Variants in CHIA observed in about 807,000 individuals in gnomAD.
The protein encoded by CHIA is chitinase acidic.
Under a neutral mutation model 53.5 loss-of-function variants are expected in CHIA, and 47 were observed. That is an observed-to-expected ratio of 0.88 (90% confidence interval 0.70 to 1.12). The LOEUF (loss-of-function observed/expected upper bound fraction) is 1.12, where lower values mean the gene tolerates loss of function less well. Among genes scored for constraint, CHIA ranks in the 50% most tolerant of loss-of-function variants. CHIA has a pLI of 0.00. For missense variants in CHIA, 652 were observed against 592.2 expected, an observed-to-expected ratio of 1.10 and a Z score of -1.05; for synonymous variants, 268 against 222.2, an observed-to-expected ratio of 1.21 and a Z score of -1.83.
In CHIA at chr1:111,290,861, T is replaced by C. The variant is rs1236501606; in HGVS notation, c.-158T>C. On this transcript the variant is annotated 5_prime_UTR_variant, in exon 1 of 12. The change abolishes an upstream ATG in the 5' untranslated region. Coordinates refer to ENST00000369740, the MANE Select transcript of CHIA (RefSeq NM_201653.4). ...AGTCCCAGACGGTGCCAAAGCTTCA[T>C]GAAACCTCCTCGTCTGTGCACGAAC... 2.3e-6 allele frequency: 1 copy of C among 431,862 alleles called. No individual in the cohort carries two copies. The highest frequency in any genetic ancestry group is 4.7e-6 in the Non-Finnish European group (1 of 210,804). 26.8% of individuals were successfully genotyped at this position (431,862 alleles called of 1,614,324 possible).
intron 1 of CHIA, among the ~76,000 whole-genome samples, chr1:111,295,195 T>G (rs1006010541): frequency 6.6e-6 from 1 of 152,206 alleles, no homozygotes. Flanking sequence ...TTTATGATTT[T>G]TCTGAGACAG....
intron 1 of CHIA, among the ~76,000 whole-genome samples, chr1:111,291,516 T>C (rs1226246800): frequency 2.2e-5 from 3 of 138,908 alleles, no homozygotes; most frequent in Non-Finnish European, 4.6e-5. Flanking sequence ...AGCTGAGGGG[T>C]TGGGGGCAAG....
chr1:111,291,696 A>G (rs1347445950), intron 1 of CHIA, among the ~76,000 whole-genome samples: 1 of 151,728 alleles, frequency 6.6e-6, no homozygotes, highest in Non-Finnish European at 1.5e-5. Context: ...AAAAGGGGGG[A>G]AAAATATATA....
intron 2 of CHIA, 39 bp from the exon 3 acceptor site, chr1:111,311,650 A>G (rs369579196): frequency 2.0e-5 from 33 of 1,612,128 alleles, no homozygotes; most frequent in Non-Finnish European, 2.7e-5. Context: ...CGGGGTACAG[A>G]CAATCGGTTC....
At chr1:111,317,888 G>C (rs937139526) in intron 7 of CHIA, 83 bp downstream of exon 7, 3 of 1,610,060 alleles carry the variant, frequency 1.9e-6, no homozygotes, top group Admixed American at 1.7e-5. Context: ...TTGCTATTCA[G>C]GGACCTTGTT....
chr1:111,293,808 G>A (rs1475572729), intron 1 of CHIA, among the ~76,000 whole-genome samples: 1 of 152,154 alleles, frequency 6.6e-6, no homozygotes, highest in Non-Finnish European at 1.5e-5. Flanking sequence ...GGCCAGATGT[G>A]GTGGCTCATG....
chr1:111,295,921 C>T (rs1661309582), intron 1 of CHIA, among the ~76,000 whole-genome samples: 1 of 152,252 alleles, frequency 6.6e-6, no homozygotes, highest in African/African-American at 2.4e-5. Flanking sequence ...CCGCACCTGG[C>T]TCAGTGGGTC....
In CHIA at chr1:111,319,138, A is replaced by C. The variant is rs759836972; in HGVS notation, c.934A>C (p.Asn312His). 2.5e-6 allele frequency: 4 copies of C among 1,613,610 alleles called. No individual in the cohort carries two copies. Among genetic ancestry groups the C allele is most frequent in the Middle Eastern group, 1.6e-4 (1 of 6,080 alleles). Residue 312 changes from asparagine (N) to histidine (H), a missense_variant, in exon 10 of 12, where the codon AAT becomes CAT. Asn to His is a moderately conservative substitution (Grantham distance 68). Transcript: ENST00000369740. ...AYYEICTFLK[N>H]GATQGWDAPQ... The stretch of plus-strand genomic sequence containing the variant: ...TTGAAAGATCTGTACCTTCCTGAAA[A>C]ATGGAGCCACTCAGGGATGGGATGC...
In CHIA at chr1:111,295,698, T is replaced by C. The variant is rs879268701; in HGVS notation, c.-69+4748T>C. On this transcript the variant is annotated intron_variant, in intron 1 of 11. Transcript: ENST00000369740. ...CAGCTGAGGTACCGGGTTCATCTCA[T>C]TGGGACTGGTTGGACAGTGGGTGCA... 5.3e-5 allele frequency among the ~76,000 whole-genome samples: 8 copies of C among 151,660 alleles called. No individual in the cohort carries two copies. In the South Asian group the frequency reaches 6.2e-4, roughly 12 times the overall value.
intron 2 of CHIA, among the ~76,000 whole-genome samples, chr1:111,311,487 G>A (rs536741810): frequency 1.3e-5 from 2 of 152,284 alleles, no homozygotes. Context: ...GGTGTGAGAC[G>A]AAGGTACCAC....
rs369442393 is a variant in CHIA at position 111,320,343 on chromosome 1, C to A, written c.1308C>A (p.Gly436=). The A allele has an allele frequency of 5.0e-6, 8 of 1,614,212 alleles. 1 individual carries two copies. The highest frequency in any genetic ancestry group is 3.3e-5 in the South Asian group (3 of 91,076). The change falls in exon 12 of 12, where the codon GGC becomes GGA. Residue 436 remains glycine (G), a synonymous_variant. Transcript: ENST00000369740. ...GATTCTGTGCTGTCAGAGCCAACGG[C>A]CTCTACCCCGTGGCAAATAACAGAA... ...GSGFCAVRAN[G]LYPVANNRNA... is the part of the protein sequence containing the mutation.
intron 2 of CHIA, 133 bp from the exon 3 acceptor site, chr1:111,311,556 T>A: frequency 9.9e-7 from 1 of 1,008,100 alleles, no homozygotes; most frequent in Non-Finnish European, 1.5e-6. Context: ...CTGAAAAGCC[T>A]TTGGAATCAC....
intron 1 of CHIA, among the ~76,000 whole-genome samples, chr1:111,296,343 G>A (rs1661337592): frequency 6.6e-6 from 1 of 152,144 alleles, no homozygotes; most frequent in Non-Finnish European, 1.5e-5. Context: ...GTGGGACGAA[G>A]CTTCCAGAGG....
At chr1:111,293,625 T>C (rs1357917621) in intron 1 of CHIA, among the ~76,000 whole-genome samples, 1 of 152,256 alleles carries the variant, frequency 6.6e-6, no homozygotes, top group Non-Finnish European at 1.5e-5. Context: ...TCTTTTGTTG[T>C]CTGTGATTTA....
Position 111,320,471 on chromosome 1 carries a change from G to A in CHIA, c.*5G>A, listed in dbSNP as rs1410414650. On this transcript the variant is annotated 3_prime_UTR_variant, in exon 12 of 12. Transcript: ENST00000369740. ...GATTGCTGCAACTGGGCATAAACCTGACCTGGTCTATATTCCCTAGAGTTC... is the reference window on the plus strand; with the variant it reads ...GATTGCTGCAACTGGGCATAAACCTAACCTGGTCTATATTCCCTAGAGTTC... The A allele has an allele frequency of 6.2e-7, 1 of 1,612,696 alleles. No individual in the cohort carries two copies. Among genetic ancestry groups the A allele is most frequent in the Admixed American group, 1.7e-5 (1 of 60,020 alleles).
chr1:111,292,284 A>T (rs1484624803), intron 1 of CHIA, among the ~76,000 whole-genome samples: 3 of 152,220 alleles, frequency 2.0e-5, no homozygotes, highest in Non-Finnish European at 4.4e-5. Flanking sequence ...TACATGAGGA[A>T]ATTGAGGTTC....
intron 1 of CHIA, among the ~76,000 whole-genome samples, chr1:111,303,977 T>G (rs12026810): frequency 0.14 from 21,507 of 152,160 alleles, 1,954 homozygotes; most frequent in East Asian, 0.36. Flanking sequence ...TCTCATGTTA[T>G]CCCTTGTTTT....
chr1:111,298,586 C>T (rs1361676547), intron 1 of CHIA, among the ~76,000 whole-genome samples: 1 of 151,932 alleles, frequency 6.6e-6, no homozygotes, highest in Non-Finnish European at 1.5e-5. Flanking sequence ...CCAGTTAAAG[C>T]AGTGTGTAGA....
At chr1:111,314,634 T>C (rs750640286) in intron 5 of CHIA, 38 bp downstream of exon 5, 1 of 1,533,488 alleles carries the variant, frequency 6.5e-7, no homozygotes, top group Admixed American at 1.7e-5. Flanking sequence ...TCGTTTGCTA[T>C]GGAAAACAAG....
Sources: allele counts gnomAD v4.1 joint callset (sites outside exome capture counted in the v4.1 genomes callset), GRCh38; gene constraint gnomAD v4.1.1; transcripts MANE v1.5; gene names NCBI Gene and HGNC (gene_info 2026-07-23, HGNC 2026-07-21).